Variants in ALG13 observed in about 807,000 individuals in gnomAD.
The protein encoded by ALG13 is ALG13 UDP-N-acetylglucosaminyltransferase subunit.
ALG13 carries 11 observed loss-of-function variants against 87.8 expected under a neutral mutation model. The observed-to-expected ratio is 0.13, with a 90% CI of 0.08 to 0.21. The LOEUF (loss-of-function observed/expected upper bound fraction) is 0.21. ALG13 is among the 10% of genes least tolerant of loss of function. ALG13 has a pLI of 1.00. For synonymous variants in ALG13, 320 were observed against 306.3 expected (o/e 1.04, Z -0.47); for missense variants, 756 against 866.1 (o/e 0.87, Z 1.60).
intron 1 of ALG13, 75 bp downstream of exon 1, chrX:111,681,374 G>A: frequency 8.4e-7 from 1 of 1,196,396 alleles, no homozygotes; most frequent in Non-Finnish European, 1.1e-6. Context: ...AGCCGCGTTA[G>A]CCTTGCCTGA....
chrX:111,749,627 T>TC (rs1381307259), intron 24 of ALG13, among the ~76,000 whole-genome samples: 1 of 110,246 alleles, frequency 9.1e-6, no homozygotes, highest in Admixed American at 9.7e-5. Context: ...AGTATACCCG[T>TC]CAATTTATTT....
In ALG13 at chrX:111,681,957, C is replaced by T. The variant is rs928240267; in HGVS notation, c.82-175C>T. 4.6e-6 allele frequency: 4 copies of T among 860,945 alleles called. No individual in the cohort carries two copies. In the Admixed American group the frequency reaches 1.3e-4, roughly 28 times the overall value. The allele number at this position is 860,945 out of a possible 1,213,427, so 71.0% of individuals were successfully genotyped here. A position where few individuals can be genotyped will look rare whatever the true frequency, so the allele number is the denominator to read the frequency against. ...AGATTCATGAGTGCTTGGGAGGTTC[C>T]TCGTCGGGCCCCGGACCAGAAAATA... is the stretch of plus-strand genomic sequence containing the variant. On this transcript the variant is annotated intron_variant, in intron 1 of 26. Coordinates refer to ENST00000394780, the MANE Select transcript of ALG13 (RefSeq NM_001099922.3).
At chrX:111,728,785 C>T (rs1942355819) in intron 19 of ALG13, among the ~76,000 whole-genome samples, 1 of 111,013 alleles carries the variant, frequency 9.0e-6, no homozygotes, top group Non-Finnish European at 1.9e-5. Flanking sequence ...ACCCACTCTA[C>T]TAAGTCATTA....
chrX:111,702,446 C>G (rs934052257), intron 3 of ALG13, among the ~76,000 whole-genome samples: 1 of 111,803 alleles, frequency 8.9e-6, no homozygotes, highest in Non-Finnish European at 1.9e-5. Context: ...TATTTCCTTT[C>G]CTGTAAAACT....
chrX:111,735,102 T>G lies in ALG13; in HGVS notation c.2509T>G (p.Ser837Ala). Reference protein sequence around the residue: ...CSMSPQDTVTSYNYPQKMMGN... With the variant: ...CSMSPQDTVTAYNYPQKMMGN... The stretch of plus-strand genomic sequence containing the variant: ...TATGTCTCCTCAGGACACAGTTACC[T>G]CATACAACTACCCCCAGAAGGTAAT... The change falls in exon 22 of 27, where the codon TCA becomes GCA. Residue 837 changes from serine to alanine, a missense_variant. By Grantham distance (99) the Ser-to-Ala change is moderately conservative. Coordinates refer to ENST00000394780, the MANE Select transcript of ALG13 (RefSeq NM_001099922.3). 1.7e-6 allele frequency: 2 copies of G among 1,185,730 alleles called. No homozygotes were observed. The highest frequency in any genetic ancestry group is 2.3e-6 in the Non-Finnish European group (2 of 873,023).
At chrX:111,689,999 A>G (rs1935852104) in intron 3 of ALG13, 1 of 751,872 alleles carries the variant, frequency 1.3e-6, no homozygotes, top group East Asian at 1.5e-4. Context: ...TGCTCTGGGT[A>G]GGATTGATAG....
intron 23 of ALG13, among the ~76,000 whole-genome samples, chrX:111,741,406 A>G (rs1024621857): frequency 8.9e-6 from 1 of 112,472 alleles, no homozygotes; most frequent in East Asian, 2.8e-4. Flanking sequence ...AGTCAAAACA[A>G]CAGTTGGTTA....
intron 16 of ALG13, 68 bp downstream of exon 16, chrX:111,727,123 A>G: frequency 8.7e-7 from 1 of 1,144,834 alleles, no homozygotes; most frequent in South Asian, 1.9e-5. Context: ...AGATCCAAGA[A>G]GATAGAATGC....
chrX:111,686,351 T>C (rs1934923489), intron 3 of ALG13, among the ~76,000 whole-genome samples: 1 of 112,406 alleles, frequency 8.9e-6, no homozygotes, highest in African/African-American at 3.2e-5. Context: ...ATAATTTTTC[T>C]TTTAGTTTTA....
rs1221226910 is a variant in ALG13, at chrX:111,711,690, T to C, written c.850T>C (p.Phe284Leu). 1 of 1,207,456 alleles carries C rather than the reference T, an allele frequency of 8.3e-7. No homozygotes were observed. Among genetic ancestry groups the C allele is most frequent in the Non-Finnish European group, 1.1e-6 (1 of 893,681 alleles). The change falls in exon 6 of 27, where the codon TTT becomes CTT. Residue 284 changes from phenylalanine to leucine, a missense_variant. Around this residue, in one of 9 missense-constraint regions of ALG13, gnomAD observed 60 missense variants for 54.5 expected, o/e 1.10. Coordinates refer to ENST00000394780, the MANE Select transcript of ALG13 (RefSeq NM_001099922.3). ...QTFESYVEGS[F>L]EKYLERLGDP... Reference sequence around the variant, plus strand: ...ATTTTTGAAGTATGTGGAGGGATCTTTTGAGAAATACCTGGAACGGTTGGG... The same window carrying C: ...ATTTTTGAAGTATGTGGAGGGATCTCTTGAGAAATACCTGGAACGGTTGGG...
intron 3 of ALG13, among the ~76,000 whole-genome samples, chrX:111,700,639 T>C (rs2147916077): frequency 9.3e-6 from 1 of 107,189 alleles, no homozygotes; most frequent in Admixed American, 1.0e-4. Flanking sequence ...TGCAATGGCG[T>C]GATCTCGGCT....
At chrX:111,719,049 C>T (rs1941043007) in intron 10 of ALG13, among the ~76,000 whole-genome samples, 2 of 84,059 alleles carry the variant, frequency 2.4e-5, no homozygotes, top group African/African-American at 4.9e-5. Flanking sequence ...TTTTTTGAGA[C>T]GGAGTCTCGC....
At chrX:111,741,568 T>G (rs1233454435) in intron 23 of ALG13, among the ~76,000 whole-genome samples, 1 of 111,459 alleles carries the variant, frequency 9.0e-6, no homozygotes, top group Non-Finnish European at 1.9e-5. Flanking sequence ...ATCCCAGCAC[T>G]CTGGGAGGCC....
intron 23 of ALG13, among the ~76,000 whole-genome samples, chrX:111,739,107 A>G: frequency 8.9e-6 from 1 of 112,106 alleles, no homozygotes; most frequent in East Asian, 2.8e-4. Context: ...GGTTTAATTT[A>G]CTCACAGTTC....
At chrX:111,712,886 C>CA (rs1371529817) in intron 7 of ALG13, among the ~76,000 whole-genome samples, 3 of 110,448 alleles carry the variant, frequency 2.7e-5, no homozygotes, top group Admixed American at 1.9e-4. Flanking sequence ...AGCCTTTTGC[C>CA]AAAAAAATTG....
intron 25 of ALG13, among the ~76,000 whole-genome samples, chrX:111,754,667 A>G (rs1214258961): frequency 1.8e-5 from 2 of 111,925 alleles, no homozygotes; most frequent in East Asian, 5.6e-4. Context: ...GTGAATTCCC[A>G]TTCACAATTG....
intron 21 of ALG13, among the ~76,000 whole-genome samples, chrX:111,732,672 T>G (rs1942823028): frequency 8.9e-6 from 1 of 112,400 alleles, no homozygotes; most frequent in Non-Finnish European, 1.9e-5. Context: ...CTACCTTATA[T>G]TCTCTAATTA....
At chrX:111,696,508 A>G (rs945466042) in intron 3 of ALG13, among the ~76,000 whole-genome samples, 2 of 111,887 alleles carry the variant, frequency 1.8e-5, no homozygotes, top group African/African-American at 6.5e-5. Flanking sequence ...ATTTACAACT[A>G]TACCTTGTAT....
chrX:111,684,557 TC>T (rs1174777816), intron 2 of ALG13, among the ~76,000 whole-genome samples: 1 of 111,324 alleles, frequency 9.0e-6, no homozygotes, highest in African/African-American at 3.3e-5. Context: ...ACTCCTGGGC[TC>T]AAGCGATCCT....
Sources: allele counts gnomAD v4.1 joint callset (sites outside exome capture counted in the v4.1 genomes callset), GRCh38; gene constraint gnomAD v4.1.1; regional missense constraint gnomAD v4.1.1; transcripts MANE v1.5; gene names NCBI Gene and HGNC (gene_info 2026-07-23, HGNC 2026-07-21).